NDST4: variants seen among roughly 807,000 people sequenced by gnomAD.
The protein encoded by NDST4 is N-deacetylase and N-sulfotransferase 4.
In NDST4, 63 loss-of-function variants were observed where a neutral mutation model predicts 100.8. The observed-to-expected ratio is 0.62, with a 90% CI of 0.51 to 0.77. The LOEUF is 0.77. NDST4 is among the 30% of genes least tolerant of loss of function. The probability of loss-of-function intolerance (pLI) is 0.00; values close to 1 mark genes in which losing one functional copy is unlikely to be tolerated. For missense variants in NDST4, 943 were observed against 1,018.4 expected (o/e 0.93, Z 1.01); for synonymous variants, 377 against 361.8 (o/e 1.04, Z -0.48).
chr4:115,017,689 C>T lies in NDST4; in HGVS notation c.979-40415G>A, dbSNP rs186075399. Among the ~76,000 whole-genome samples the T allele has an allele frequency of 5.9e-5, 9 of 151,940 alleles. No individual in the cohort carries two copies. In the East Asian group the frequency reaches 1.7e-3, roughly 29 times the overall value. On this transcript the variant is annotated intron_variant, in intron 2 of 13. Transcript: ENST00000264363. ...ACATTCAGATGATAAGAGATCAATC[C>T]AGTGTTACAATGTGCTAGGTATATT...
intron 4 of NDST4, among the ~76,000 whole-genome samples, chr4:114,945,935 T>TG (rs1315063302): frequency 2.0e-5 from 3 of 152,198 alleles, no homozygotes; most frequent in Non-Finnish European, 4.4e-5. Context: ...GACAAATCTC[T>TG]GGAGGGCTCT....
intron 4 of NDST4, among the ~76,000 whole-genome samples, chr4:114,951,380 C>T (rs554561090): frequency 6.6e-6 from 1 of 152,120 alleles, no homozygotes; most frequent in South Asian, 2.1e-4. Context: ...TGTCTTGTTT[C>T]TGTTTCCAAC....
At chr4:114,919,994 C>T (rs183618137) in intron 6 of NDST4, among the ~76,000 whole-genome samples, 4 of 152,048 alleles carry the variant, frequency 2.6e-5, no homozygotes, top group African/African-American at 9.7e-5. Context: ...AGTTGCCTAC[C>T]CTCTAGAAAG....
At chr4:114,953,171 A>G (rs1726060726) in intron 4 of NDST4, among the ~76,000 whole-genome samples, 1 of 152,000 alleles carries the variant, frequency 6.6e-6, no homozygotes, top group South Asian at 2.1e-4. Flanking sequence ...AAGTCACATA[A>G]ACAAATTCTA....
At chr4:114,833,572 A>G (rs1251517003) in intron 12 of NDST4, 34 bp downstream of exon 12, 2 of 1,363,054 alleles carry the variant, frequency 1.5e-6, no homozygotes, top group East Asian at 2.3e-5. Context: ...ATGGCAAATA[A>G]TGGAAATGAA....
Position 115,076,717 on chromosome 4 carries a change from T to C in NDST4, c.320A>G (p.His107Arg). ...TCCCTTTCCAGGGGCAATAACCATGTGGTACTGAAATCGGCTGGACTCCAA... is the reference window on the plus strand; with the variant it reads ...TCCCTTTCCAGGGGCAATAACCATGCGGTACTGAAATCGGCTGGACTCCAA... ...AILESSRFQY[H>R]MVIAPGKGDI... Residue 107 changes from histidine (H) to arginine (R), a missense_variant, in exon 2 of 14, where the codon CAC becomes CGC. By Grantham distance (29) the His-to-Arg change is conservative. This residue lies in a region of NDST4 where 417 missense variants were observed against 384.2 expected (regional missense o/e 1.09). Coordinates refer to ENST00000264363, the MANE Select transcript of NDST4 (RefSeq NM_022569.3). The C allele has an allele frequency of 6.2e-7, 1 of 1,613,942 alleles. No individual in the cohort carries two copies. The highest frequency in any genetic ancestry group is 8.5e-7 in the Non-Finnish European group (1 of 1,179,910).
At chr4:115,011,189 T>G (rs751389948) in intron 2 of NDST4, among the ~76,000 whole-genome samples, 1 of 152,028 alleles carries the variant, frequency 6.6e-6, no homozygotes, top group Admixed American at 6.6e-5. Flanking sequence ...TATGCTTATC[T>G]TATCCTGCTA....
intron 4 of NDST4, among the ~76,000 whole-genome samples, chr4:114,963,533 A>C: frequency 6.6e-6 from 1 of 152,190 alleles, no homozygotes; most frequent in South Asian, 2.1e-4. Context: ...GAATACACTG[A>C]AAACCATTGA....
intron 6 of NDST4, among the ~76,000 whole-genome samples, chr4:114,871,791 AT>A (rs1299546705): frequency 6.6e-6 from 1 of 151,984 alleles, no homozygotes; most frequent in Non-Finnish European, 1.5e-5. Flanking sequence ...ATTTCATGAT[AT>A]TTTCAAATTT....
At chr4:114,890,063 G>A (rs1724561325) in intron 6 of NDST4, among the ~76,000 whole-genome samples, 1 of 152,006 alleles carries the variant, frequency 6.6e-6, no homozygotes, top group African/African-American at 2.4e-5. Context: ...TTTTACCCAT[G>A]GATAGGTATT....
At chr4:114,926,322 G>C (rs1725385464) in intron 6 of NDST4, among the ~76,000 whole-genome samples, 1 of 152,050 alleles carries the variant, frequency 6.6e-6, no homozygotes, top group Non-Finnish European at 1.5e-5. Flanking sequence ...GCTCATTTGG[G>C]CAAAGTAAGT....
chr4:115,046,817 C>T (rs1578480278), intron 2 of NDST4, among the ~76,000 whole-genome samples: 1 of 151,898 alleles, frequency 6.6e-6, no homozygotes, highest in South Asian at 2.1e-4. Context: ...TGAAATATTG[C>T]CCAATAATTC....
chr4:114,977,558 T>C (rs1004596513), intron 2 of NDST4, among the ~76,000 whole-genome samples: 2 of 151,996 alleles, frequency 1.3e-5, no homozygotes, highest in African/African-American at 4.8e-5. Flanking sequence ...TTCATTTCTG[T>C]GTGAGACATT....
At chr4:115,106,149 G>A (rs1729829531) in intron 1 of NDST4, among the ~76,000 whole-genome samples, 1 of 152,024 alleles carries the variant, frequency 6.6e-6, no homozygotes, top group Non-Finnish European at 1.5e-5. Context: ...GTTCACCATG[G>A]GGGAAGAGGA....
At chr4:114,896,678 A>G (rs1474485952) in intron 6 of NDST4, among the ~76,000 whole-genome samples, 1 of 152,094 alleles carries the variant, frequency 6.6e-6, no homozygotes, top group Non-Finnish European at 1.5e-5. Context: ...AGAAGAACAC[A>G]TATTATTCTA....
chr4:114,941,583 A>G (rs1725751799), intron 4 of NDST4, among the ~76,000 whole-genome samples: 2 of 152,200 alleles, frequency 1.3e-5, no homozygotes, highest in South Asian at 4.1e-4. Flanking sequence ...AAATTTTGGC[A>G]GCTCCTGGCT....
chr4:114,845,735 T>C (rs1329167798), intron 10 of NDST4, 88 bp downstream of exon 10: 1 of 1,183,102 alleles, frequency 8.5e-7, no homozygotes, highest in African/African-American at 1.6e-5. Flanking sequence ...TGACTTTTCA[T>C]ATGTTTAGGT....
At chr4:114,850,821 CA>C (rs1723660722) in intron 8 of NDST4, among the ~76,000 whole-genome samples, 1 of 152,082 alleles carries the variant, frequency 6.6e-6, no homozygotes, top group African/African-American at 2.4e-5. Flanking sequence ...TTTACATTGA[CA>C]ATACCAGAAT....
intron 2 of NDST4, among the ~76,000 whole-genome samples, chr4:114,995,913 A>C (rs1318239708): frequency 6.6e-6 from 1 of 152,124 alleles, no homozygotes; most frequent in East Asian, 1.9e-4. Flanking sequence ...ACCTTAAAGA[A>C]TTAATGTGCA....
Sources: gnomAD v4.1 joint callset for allele counts (sites outside exome capture counted in the v4.1 genomes callset) on GRCh38, gnomAD v4.1.1 for gene constraint, gnomAD v4.1.1 regional missense constraint, MANE v1.5 for transcripts, NCBI Gene and HGNC (gene_info 2026-07-23, HGNC 2026-07-21) for gene names.